The following GPHN variants were observed in gnomAD, a reference collection of about 807,000 sequenced individuals.
The protein encoded by GPHN is gephyrin.
In GPHN, 17 loss-of-function variants were observed where a neutral mutation model predicts 95.5. The ratio of observed to expected loss-of-function variants is 0.18; its 90% CI spans 0.12 to 0.27. The LOEUF is 0.27. GPHN is among the 10% of genes least tolerant of loss of function. The pLI, the probability that GPHN is intolerant of heterozygous loss-of-function variation, is 1.00. For missense variants in GPHN, 660 were observed against 978.1 expected (o/e 0.67, Z 4.34); for synonymous variants, 320 against 322.5 (o/e 0.99, Z 0.08).
chr14:67,607,681 T>A, the GPHN span, among the ~76,000 whole-genome samples: 1 of 152,146 alleles, frequency 6.6e-6, no homozygotes, highest in Admixed American at 6.5e-5. Context: ...TGAGTATTTT[T>A]AAAAAGCTCC....
downstream of GPHN, among the ~76,000 whole-genome samples, chr14:67,185,417 A>G (rs1421740393): frequency 6.6e-6 from 1 of 152,228 alleles, no homozygotes; most frequent in African/African-American, 2.4e-5. Context: ...TTAAATGTTA[A>G]AGTTCAACAA....
chr14:66,597,184 G>C (rs531359645), intron 1 of GPHN, among the ~76,000 whole-genome samples: 1 of 152,134 alleles, frequency 6.6e-6, no homozygotes, highest in Non-Finnish European at 1.5e-5. Flanking sequence ...GCCCGAAGGC[G>C]AGAAGAGACA....
At chr14:67,704,482 T>C in the GPHN span, among the ~76,000 whole-genome samples, 20 of 152,286 alleles carry the variant, frequency 1.3e-4, no homozygotes, top group Admixed American at 1.1e-3. Context: ...TCGGAACAGC[T>C]CCATTTTGGC....
chr14:66,561,516 T>G (rs1020997351), intron 1 of GPHN, among the ~76,000 whole-genome samples: 2 of 152,162 alleles, frequency 1.3e-5, no homozygotes, highest in Non-Finnish European at 2.9e-5. Flanking sequence ...AACAGTTGCC[T>G]CACAGATTTC....
At chr14:67,449,413 G>T in the GPHN span, among the ~76,000 whole-genome samples, 1 of 152,144 alleles carries the variant, frequency 6.6e-6, no homozygotes, top group African/African-American at 2.4e-5. Flanking sequence ...TGGGAAAGAT[G>T]CTCTTTCATG....
At chr14:67,353,038 G>A in the GPHN span, 1 of 1,604,614 alleles carries the variant, frequency 6.2e-7, no homozygotes, top group Admixed American at 1.7e-5. Flanking sequence ...GATGGTCTGT[G>A]CCCTATATAA....
chr14:66,669,499 TA>T (rs1438641788), intron 1 of GPHN, among the ~76,000 whole-genome samples: 1 of 126,332 alleles, frequency 7.9e-6, no homozygotes, highest in Non-Finnish European at 1.5e-5. Flanking sequence ...ATTGAGTTGT[TA>T]TTTTTTTTTA....
rs748751381 is a variant in GPHN, at chr14:66,874,372, G to A, written c.295-5567G>A. Among the ~76,000 whole-genome samples the A allele has an allele frequency of 5.3e-5, 8 of 152,176 alleles. No homozygotes were observed. The South Asian group carries it at 1.0e-3, about 20-fold the overall frequency. ...CTCTTCCAAAGGATCACAACTCCTC[G>A]CCAGCAAGGTATCAAAACTGGAGGG... On this transcript the variant is annotated intron_variant, in intron 4 of 22. Coordinates refer to ENST00000478722, the MANE Select transcript of GPHN (RefSeq NM_020806.5).
At chr14:66,632,899 C>T (rs1438762800) in intron 1 of GPHN, among the ~76,000 whole-genome samples, 1 of 152,130 alleles carries the variant, frequency 6.6e-6, no homozygotes, top group Non-Finnish European at 1.5e-5. Context: ...GGAATTGTTC[C>T]TTATTGTCTT....
the GPHN span, among the ~76,000 whole-genome samples, chr14:67,420,651 A>G: frequency 6.6e-6 from 1 of 152,150 alleles, no homozygotes; most frequent in Non-Finnish European, 1.5e-5. Context: ...GAGACTCTCA[A>G]GTGAGGAACC....
chr14:67,143,561 G>GA, intron 18 of GPHN, 112 bp downstream of exon 18: 1 of 777,040 alleles, frequency 1.3e-6, no homozygotes, highest in Non-Finnish European at 2.3e-6. Context: ...CCACAAAGCT[G>GA]AAAATCCATG....
chr14:66,711,028 G>T (rs867292204), intron 2 of GPHN, among the ~76,000 whole-genome samples: 2 of 151,998 alleles, frequency 1.3e-5, no homozygotes, highest in Admixed American at 6.6e-5. Context: ...GTACAAATTT[G>T]TTTTTTTATG....
intron 1 of GPHN, among the ~76,000 whole-genome samples, chr14:66,595,478 C>T (rs112906597): frequency 4.8e-4 from 73 of 152,270 alleles, no homozygotes; most frequent in African/African-American, 1.4e-3. Flanking sequence ...ACACTCTGCT[C>T]GCACTAACAG....
rs956391756 is a variant in GPHN, at chr14:66,972,558, G to A, written c.963+7233G>A. Among the ~76,000 whole-genome samples, 14 of 151,858 alleles carry A rather than the reference G, an allele frequency of 9.2e-5. No homozygotes were observed. The East Asian group carries it at 2.1e-3, about 23-fold the overall frequency. ...ATCCTTTGGTATGCAGAAGTATTTT[G>A]TTCATACGCCCCATTTTGTCACATT... is the stretch of plus-strand genomic sequence containing the variant. On this transcript the variant is annotated intron_variant, in intron 9 of 22. Coordinates refer to ENST00000478722, the MANE Select transcript of GPHN (RefSeq NM_020806.5).
At chr14:66,761,318 G>C (rs1464376925) in intron 2 of GPHN, among the ~76,000 whole-genome samples, 1 of 152,110 alleles carries the variant, frequency 6.6e-6, no homozygotes, top group Non-Finnish European at 1.5e-5. Flanking sequence ...GGCAGCATTT[G>C]TATAATAACT....
At position 67,156,176 on chromosome 14, in the gene GPHN, T is replaced by G. The variant is rs2081574415; in HGVS notation, c.1837-3239T>G. On this transcript the variant is annotated intron_variant, in intron 18 of 22. Transcript: ENST00000478722. ...GTCAGCAAATGTAAATGAGTGTTGA[T>G]CATGTAAAATAATAATGTCTTGTGA... 2.0e-5 allele frequency among the ~76,000 whole-genome samples: 3 copies of G among 152,178 alleles called. No homozygotes were observed. The South Asian group carries it at 6.2e-4, about 31-fold the overall frequency.
At chr14:66,670,792 A>T (rs1315716421) in intron 1 of GPHN, among the ~76,000 whole-genome samples, 1 of 152,228 alleles carries the variant, frequency 6.6e-6, no homozygotes, top group African/African-American at 2.4e-5. Context: ...ACTCCATCTC[A>T]AAAAATAAAT....
chr14:66,885,319 C>T (rs1353637450), intron 5 of GPHN, among the ~76,000 whole-genome samples: 1 of 152,070 alleles, frequency 6.6e-6, no homozygotes, highest in Non-Finnish European at 1.5e-5. Context: ...TATTTTGGAA[C>T]TTTGTAGTCT....
At chr14:66,705,859 A>G (rs2069027234) in intron 2 of GPHN, among the ~76,000 whole-genome samples, 1 of 152,220 alleles carries the variant, frequency 6.6e-6, no homozygotes. Flanking sequence ...ACATAGGAAG[A>G]GAGGAAGTCA....
Sources: gnomAD v4.1 joint callset for allele counts (sites outside exome capture counted in the v4.1 genomes callset) on GRCh38, gnomAD v4.1.1 for gene constraint, MANE v1.5 for transcripts, NCBI Gene and HGNC (gene_info 2026-07-23, HGNC 2026-07-21) for gene names.